Variants in SYNJ2 observed in about 807,000 individuals in gnomAD.
SYNJ2 encodes synaptojanin 2, also known as polyphosphatidylinositol phosphatase SYNJ2.
A neutral mutation model predicts 141.3 loss-of-function variants in SYNJ2; 116 were observed. The ratio of observed to expected loss-of-function variants is 0.82; its 90% CI spans 0.71 to 0.96. SYNJ2 has a LOEUF of 0.96. Ranked by LOEUF, SYNJ2 falls within the 40% of genes least tolerant of loss-of-function variation. SYNJ2 has a pLI of 0.00. For missense variants in SYNJ2, 1,873 were observed against 1,934.8 expected (o/e 0.97, Z 0.60); for synonymous variants, 745 against 777.7 (o/e 0.96, Z 0.70).
intron 1 of SYNJ2, among the ~76,000 whole-genome samples, chr6:157,996,117 G>T (rs1357520380): frequency 6.6e-6 from 1 of 152,098 alleles, no homozygotes; most frequent in Non-Finnish European, 1.5e-5. Context: ...AGTATCGCTG[G>T]ACTCCCCCTA....
At chr6:158,080,213 CG>C (rs1046559320) in intron 18 of SYNJ2, among the ~76,000 whole-genome samples, 139 of 152,254 alleles carry the variant, frequency 9.1e-4, no homozygotes, top group African/African-American at 3.3e-3. Context: ...CAGTGGCTCA[CG>C]CCTTTATCCC....
In SYNJ2 at chr6:158,095,697, CT is replaced by C; in HGVS notation, c.3825del (p.Pro1276LeufsTer3). 1 of 1,614,210 alleles carries C rather than the reference CT, an allele frequency of 6.2e-7. No individual in the cohort carries two copies. ...CCCCCGGAGACAAGCGTTGAGGCCC[CT>C]CCTGTCGTGACAGCCCCTCGAGTCC... The part of the protein sequence containing the change: ...IGPPETSVEA[P>X]PVVTAPRVPP... On this transcript the variant is annotated frameshift_variant, in exon 27 of 27. Coordinates refer to ENST00000355585, the MANE Select transcript of SYNJ2 (RefSeq NM_003898.4). LOFTEE classifies it low-confidence loss of function (END_TRUNC).
At chr6:158,083,027 G>A (rs1224120771) in intron 20 of SYNJ2, among the ~76,000 whole-genome samples, 2 of 152,050 alleles carry the variant, frequency 1.3e-5, no homozygotes, top group African/African-American at 2.4e-5. Flanking sequence ...CCGCCTCCCG[G>A]GTTCAAGCGA....
intron 1 of SYNJ2, among the ~76,000 whole-genome samples, chr6:157,992,401 CTTTTTT>C (rs57905567): frequency 3.3e-5 from 4 of 120,356 alleles, no homozygotes; most frequent in Admixed American, 9.3e-5. Flanking sequence ...TGGCTTGTTT[CTTTTTT>C]TTTTTTTTTT....
intron 3 of SYNJ2, among the ~76,000 whole-genome samples, chr6:158,032,520 G>A (rs570571302): frequency 6.6e-6 from 1 of 152,294 alleles, no homozygotes; most frequent in African/African-American, 2.4e-5. Flanking sequence ...GCCAGCTCAG[G>A]GATGAGAGAA....
intron 23 of SYNJ2, among the ~76,000 whole-genome samples, chr6:158,087,669 C>T (rs115638285): frequency 0.011 from 1,605 of 152,172 alleles, 23 homozygotes; most frequent in African/African-American, 0.037. Context: ...TTGTGGCTGA[C>T]GTCACGGTAG....
At chr6:158,078,319 G>A in intron 18 of SYNJ2, 38 bp downstream of exon 18, 2 of 1,417,142 alleles carry the variant, frequency 1.4e-6, no homozygotes, top group East Asian at 4.6e-5. Context: ...CTCCTGTGCT[G>A]GGCAAGGCAG....
intron 22 of SYNJ2, among the ~76,000 whole-genome samples, chr6:158,086,221 C>T (rs963800977): frequency 6.6e-6 from 1 of 152,072 alleles, no homozygotes; most frequent in Non-Finnish European, 1.5e-5. Context: ...TGGAGAGGCC[C>T]ATGCTTTGGG....
intron 25 of SYNJ2, 138 bp downstream of exon 25, chr6:158,090,085 A>C (rs1583516162): frequency 1.6e-6 from 1 of 632,156 alleles, no homozygotes; most frequent in Middle Eastern, 2.6e-4. Context: ...CTTTAGCAAC[A>C]TTTTATATAA....
intron 1 of SYNJ2, among the ~76,000 whole-genome samples, chr6:158,011,711 C>T (rs1261136372): frequency 6.6e-6 from 1 of 152,202 alleles, no homozygotes; most frequent in Non-Finnish European, 1.5e-5. Flanking sequence ...CTTCCCACCC[C>T]TCAAGTGTGG....
At chr6:157,998,873 A>C (rs1777730574) in intron 1 of SYNJ2, among the ~76,000 whole-genome samples, 1 of 152,230 alleles carries the variant, frequency 6.6e-6, no homozygotes, top group Non-Finnish European at 1.5e-5. Flanking sequence ...GCAGATCTGG[A>C]GAGAGAACGT....
chr6:158,089,314 T>C (rs1783279889), intron 24 of SYNJ2, among the ~76,000 whole-genome samples: 1 of 151,802 alleles, frequency 6.6e-6, no homozygotes, highest in Non-Finnish European at 1.5e-5. Flanking sequence ...GAGGGGAAGC[T>C]GGGTGCTAGG....
intron 4 of SYNJ2, among the ~76,000 whole-genome samples, chr6:158,035,669 T>A (rs1349582771): frequency 1.3e-5 from 2 of 152,118 alleles, no homozygotes; most frequent in Non-Finnish European, 2.9e-5. Flanking sequence ...ATTGCCCTGG[T>A]CAAAACTTCT....
chr6:158,083,286 A>C, intron 20 of SYNJ2, 143 bp from the exon 21 acceptor site: 7 of 933,696 alleles, frequency 7.5e-6, no homozygotes, highest in Non-Finnish European at 1.1e-5. Context: ...AGCCTGCGTG[A>C]GGTCTGGACC....
At chr6:158,093,676 A>G (rs1281041221) in intron 26 of SYNJ2, among the ~76,000 whole-genome samples, 1 of 152,062 alleles carries the variant, frequency 6.6e-6, no homozygotes, top group African/African-American at 2.4e-5. Context: ...TATGCTTCCT[A>G]AGTGTTTTGA....
At chr6:158,074,035 G>A (rs1347829806) in intron 15 of SYNJ2, among the ~76,000 whole-genome samples, 2 of 152,116 alleles carry the variant, frequency 1.3e-5, no homozygotes, top group Non-Finnish European at 2.9e-5. Flanking sequence ...AAGAGACAGG[G>A]AAGGCAAGGA....
intron 1 of SYNJ2, among the ~76,000 whole-genome samples, chr6:157,993,710 CTTTTTTT>C (rs34971762): frequency 2.5e-5 from 1 of 40,558 alleles, no homozygotes; most frequent in African/African-American, 1.1e-4. Flanking sequence ...TCTTGCATAG[CTTTTTTT>C]TTTTTTTTTT....
At chr6:158,020,979 C>T (rs977049047) in intron 2 of SYNJ2, among the ~76,000 whole-genome samples, 4 of 152,210 alleles carry the variant, frequency 2.6e-5, no homozygotes, top group Admixed American at 2.0e-4. Context: ...CCCTTTCCTT[C>T]CTGAAATGCC....
At chr6:158,080,997 G>A in intron 18 of SYNJ2, 112 bp from the exon 19 acceptor site, 1 of 957,600 alleles carries the variant, frequency 1.0e-6, no homozygotes, top group South Asian at 1.4e-5. Flanking sequence ...AGCAGCTGGG[G>A]ACTGGGGGCT....
Sources: gnomAD v4.1 joint callset for allele counts (sites outside exome capture counted in the v4.1 genomes callset) on GRCh38, gnomAD v4.1.1 for gene constraint, MANE v1.5 for transcripts, NCBI Gene and HGNC (gene_info 2026-07-23, HGNC 2026-07-21) for gene names.